GABRG2: variants seen among roughly 807,000 people sequenced by gnomAD.
GABRG2 encodes the protein gamma-aminobutyric acid type A receptor subunit gamma2, also known as gamma-aminobutyric acid receptor subunit gamma-2.
GABRG2 carries 16 observed loss-of-function variants against 56.4 expected under a neutral mutation model. That is an observed-to-expected ratio of 0.28 (90% CI 0.19 to 0.43). GABRG2 has a LOEUF of 0.43. Ranked by LOEUF, GABRG2 falls within the 20% of genes least tolerant of loss-of-function variation. The probability of loss-of-function intolerance (pLI) is 1.00; values close to 1 mark genes in which losing one functional copy is unlikely to be tolerated. For missense variants in GABRG2, 327 were observed against 582.7 expected (o/e 0.56, Z 4.52); for synonymous variants, 208 against 205.5 (o/e 1.01, Z -0.10).
At chr5:162,147,112 T>C (rs1342999057) in intron 7 of GABRG2, among the ~76,000 whole-genome samples, 1 of 152,186 alleles carries the variant, frequency 6.6e-6, no homozygotes, top group Non-Finnish European at 1.5e-5. Context: ...ATAAGAGCTT[T>C]ACATCTTTTC....
intron 1 of GABRG2, among the ~76,000 whole-genome samples, chr5:162,084,313 G>A (rs543346599): frequency 1.3e-5 from 2 of 151,846 alleles, no homozygotes; most frequent in Admixed American, 6.6e-5. Context: ...ATGCTAATAC[G>A]GGGCTATCTT....
intron 7 of GABRG2, among the ~76,000 whole-genome samples, chr5:162,143,994 T>C (rs1764771518): frequency 6.6e-6 from 1 of 152,242 alleles, no homozygotes; most frequent in Non-Finnish European, 1.5e-5. Flanking sequence ...TTTTTCCTGT[T>C]ATATGTGGTA....
chr5:162,153,083 C>T lies in GABRG2; in HGVS notation c.1153-10C>T. On this transcript the variant is annotated splice_polypyrimidine_tract_variant and intron_variant, in intron 9 of 9. Coordinates refer to ENST00000639213, the MANE Select transcript of GABRG2 (RefSeq NM_198904.4). ...TAACTGATCCCTCTCCTTCCCTACCCTCGTCCCAGGCCCCTACCATTGATA... is the reference window on the plus strand; with the variant it reads ...TAACTGATCCCTCTCCTTCCCTACCTTCGTCCCAGGCCCCTACCATTGATA... 6.2e-7 allele frequency: 1 copy of T among 1,613,938 alleles called. No homozygotes were observed. The highest frequency in any genetic ancestry group is 8.5e-7 in the Non-Finnish European group (1 of 1,179,894).
chr5:162,079,917 T>C (rs78763781), intron 1 of GABRG2, among the ~76,000 whole-genome samples: 13,768 of 152,100 alleles, frequency 0.091, 932 homozygotes, highest in East Asian at 0.22. Context: ...GTAGCTGAGA[T>C]TACAGGGGTG....
intron 6 of GABRG2, among the ~76,000 whole-genome samples, chr5:162,117,677 G>A (rs1762713401): frequency 6.6e-6 from 1 of 152,096 alleles, no homozygotes; most frequent in African/African-American, 2.4e-5. Flanking sequence ...GGCTAGTTAT[G>A]AGTAGAACTA....
chr5:162,094,249 G>GAA, intron 2 of GABRG2: 13 of 352,164 alleles, frequency 3.7e-5, no homozygotes, highest in South Asian at 1.1e-4. Context: ...GAAGCTGTAG[G>GAA]AAAAAAAAAA....
chr5:162,125,906 G>A (rs1163543698), intron 6 of GABRG2, among the ~76,000 whole-genome samples: 1 of 151,920 alleles, frequency 6.6e-6, no homozygotes, highest in Non-Finnish European at 1.5e-5. Flanking sequence ...AAACAAATAA[G>A]AGATGTTGTT....
At chr5:162,081,571 A>G (rs553012866) in intron 1 of GABRG2, among the ~76,000 whole-genome samples, 6 of 152,136 alleles carry the variant, frequency 3.9e-5, no homozygotes, top group Admixed American at 1.3e-4. Context: ...TTTCAAGAAT[A>G]TAATTAGAGA....
At chr5:162,108,644 G>A (rs557062694) in intron 6 of GABRG2, among the ~76,000 whole-genome samples, 2 of 152,234 alleles carry the variant, frequency 1.3e-5, no homozygotes, top group African/African-American at 4.8e-5. Flanking sequence ...TTTACTAGTG[G>A]TGTGACTTTA....
chr5:162,077,948 T>C (rs1759275678), intron 1 of GABRG2, among the ~76,000 whole-genome samples: 1 of 149,946 alleles, frequency 6.7e-6, no homozygotes, highest in Non-Finnish European at 1.5e-5. Context: ...AGGAAGGGAG[T>C]GGGAGAGAGG....
At chr5:162,113,328 A>G (rs1309645860) in intron 6 of GABRG2, among the ~76,000 whole-genome samples, 4 of 152,146 alleles carry the variant, frequency 2.6e-5, no homozygotes, top group Admixed American at 2.6e-4. Flanking sequence ...ATAGATGTCT[A>G]ATTTTTCACA....
In GABRG2 at chr5:162,142,805, C is replaced by T. The variant is rs987439768; in HGVS notation, c.922+489C>T. On this transcript the variant is annotated intron_variant, in intron 7 of 9. Coordinates refer to ENST00000639213, the MANE Select transcript of GABRG2 (RefSeq NM_198904.4). ...AGGAGATATACCTAATGTTAAATGA[C>T]GAGTTAATGGGTGCAGCACACCAGC... 1.4e-4 allele frequency: 33 copies of T among 241,220 alleles called. 1 individual carries two copies. The highest frequency in any genetic ancestry group is 3.2e-4 in the African/African-American group (14 of 44,238). The allele number at this position is 241,220 out of a possible 1,614,324, so 14.9% of individuals were successfully genotyped here.
At chr5:162,130,718 G>T (rs191750791) in intron 6 of GABRG2, among the ~76,000 whole-genome samples, 1 of 152,066 alleles carries the variant, frequency 6.6e-6, no homozygotes, top group African/African-American at 2.4e-5. Context: ...ATATCATCTT[G>T]ATTGCAGGTA....
chr5:162,092,522 C>T (rs1030111788), intron 1 of GABRG2, among the ~76,000 whole-genome samples: 2 of 152,148 alleles, frequency 1.3e-5, no homozygotes, highest in African/African-American at 4.8e-5. Context: ...AATATTTAGT[C>T]ATCAAGATCT....
chr5:162,129,266 G>A (rs1033998928), intron 6 of GABRG2: 1 of 151,922 alleles, frequency 6.6e-6, no homozygotes, highest in Non-Finnish European at 1.5e-5. Context: ...CATTGGGTAA[G>A]GTTACAGATT....
chr5:162,084,988 G>A (rs1202341504), intron 1 of GABRG2, among the ~76,000 whole-genome samples: 1 of 151,750 alleles, frequency 6.6e-6, no homozygotes, highest in South Asian at 2.1e-4. Flanking sequence ...TGAGACTAAC[G>A]TAATTATGAA....
chr5:162,079,187 T>C (rs1759443761), intron 1 of GABRG2, among the ~76,000 whole-genome samples: 1 of 152,132 alleles, frequency 6.6e-6, no homozygotes, highest in Non-Finnish European at 1.5e-5. Flanking sequence ...ATGGAAGTCC[T>C]CTTGGGAGAC....
chr5:162,107,448 A>T (rs1761918176), intron 6 of GABRG2, among the ~76,000 whole-genome samples: 1 of 152,196 alleles, frequency 6.6e-6, no homozygotes, highest in Non-Finnish European at 1.5e-5. Context: ...ATTAGTACCA[A>T]ATCCAGACAT....
intron 6 of GABRG2, among the ~76,000 whole-genome samples, chr5:162,135,013 C>T (rs1055116966): frequency 1.3e-5 from 2 of 152,054 alleles, no homozygotes; most frequent in African/African-American, 2.4e-5. Context: ...TTGTTCTTCA[C>T]GAACTTAATA....
Sources: allele counts gnomAD v4.1 joint callset (sites outside exome capture counted in the v4.1 genomes callset), GRCh38; gene constraint gnomAD v4.1.1; transcripts MANE v1.5; gene names NCBI Gene and HGNC (gene_info 2026-07-23, HGNC 2026-07-21).